Variants in B4GALT5 observed in about 807,000 individuals in gnomAD.
B4GALT5 encodes the protein beta-1,4-galactosyltransferase 5, also known as UDP-Gal:beta-GlcNAc beta-1,4-galactosyltransferase 5.
B4GALT5 carries 11 observed loss-of-function variants against 45.0 expected under a neutral mutation model. The observed-to-expected ratio is 0.24, with a 90% confidence interval of 0.15 to 0.40. B4GALT5 has a LOEUF of 0.40. Ranked by LOEUF, B4GALT5 falls within the 10% of genes least tolerant of loss-of-function variation. The pLI is 1.00. For missense variants in B4GALT5, 337 were observed against 500.2 expected (o/e 0.67, Z 3.11); for synonymous variants, 185 against 182.9 (o/e 1.01, Z -0.09).
chr20:49,657,692 G>A (rs2085648948), intron 1 of B4GALT5, among the ~76,000 whole-genome samples: 2 of 152,160 alleles, frequency 1.3e-5, no homozygotes, highest in African/African-American at 4.8e-5. Context: ...CTAACCTCGG[G>A]ACCAGGCCCC....
chr20:49,700,441 A>T (rs1301315401), intron 1 of B4GALT5, among the ~76,000 whole-genome samples: 1 of 152,172 alleles, frequency 6.6e-6, no homozygotes, highest in African/African-American at 2.4e-5. Context: ...GGCTACAGGC[A>T]TGTGCCACCA....
chr20:49,661,505 G>A (rs2085664744), intron 1 of B4GALT5, among the ~76,000 whole-genome samples: 1 of 152,182 alleles, frequency 6.6e-6, no homozygotes. Flanking sequence ...AAAGTGTTGG[G>A]ATTACAGACG....
chr20:49,650,456 TAAAA>T (rs141588605), intron 2 of B4GALT5, among the ~76,000 whole-genome samples: 14,386 of 128,406 alleles, frequency 0.11, 799 homozygotes, highest in Middle Eastern at 0.18. Flanking sequence ...CCATCTCTGC[TAAAA>T]AAAAAAAAAA....
At chr20:49,683,707 G>C (rs1406038774) in intron 1 of B4GALT5, among the ~76,000 whole-genome samples, 4 of 151,976 alleles carry the variant, frequency 2.6e-5, no homozygotes, top group Non-Finnish European at 5.9e-5. Flanking sequence ...ACTGCGCCCG[G>C]CCTAGACAGG....
rs886731254 is a variant in B4GALT5 at position 49,712,602 on chromosome 20, A to G, written c.115+974T>C. 5.3e-5 allele frequency among the ~76,000 whole-genome samples: 8 copies of G among 152,112 alleles called. 1 individual carries two copies. Among genetic ancestry groups the G allele is most frequent in the East Asian group, 1.9e-4 (1 of 5,196 alleles). On this transcript the variant is annotated intron_variant, in intron 1 of 8. Transcript: ENST00000371711. ...CTGGTACCATTTCCCAAAGGCCCCAATCATATCCCCTTCTCTACGGACAAT... is the reference window on the plus strand; with the variant it reads ...CTGGTACCATTTCCCAAAGGCCCCAGTCATATCCCCTTCTCTACGGACAAT...
chr20:49,643,094 C>T (rs1008846977), intron 4 of B4GALT5, among the ~76,000 whole-genome samples: 4 of 152,158 alleles, frequency 2.6e-5, no homozygotes, highest in South Asian at 2.1e-4. Context: ...CACAGCTTAA[C>T]GAAAACTACT....
rs544457385 is a variant in B4GALT5 at position 49,635,645 on chromosome 20, G to A, written c.*667C>T. Reference sequence around the variant, plus strand: ...ATACATAAATCCTCAATTTGAATTGGAGCCAGCTAGAAAATTAAATTTTAA... The same window carrying A: ...ATACATAAATCCTCAATTTGAATTGAAGCCAGCTAGAAAATTAAATTTTAA... On this transcript the variant is annotated 3_prime_UTR_variant, in exon 9 of 9. Coordinates refer to ENST00000371711, the MANE Select transcript of B4GALT5 (RefSeq NM_004776.4). 5.9e-5 allele frequency: 9 copies of A among 152,600 alleles called. No individual in the cohort carries two copies. The highest frequency in any genetic ancestry group is 1.3e-4 in the Admixed American group (2 of 15,296). 9.5% of individuals were successfully genotyped at this position (152,600 alleles called of 1,614,324 possible). A position where few individuals can be genotyped will look rare whatever the true frequency, so the allele number is the denominator to read the frequency against.
At chr20:49,707,152 T>C (rs941710876) in intron 1 of B4GALT5, among the ~76,000 whole-genome samples, 5 of 152,186 alleles carry the variant, frequency 3.3e-5, no homozygotes, top group Admixed American at 3.3e-4. Flanking sequence ...AACCACTTTC[T>C]TTCTACTAAA....
intron 3 of B4GALT5, among the ~76,000 whole-genome samples, chr20:49,644,568 AC>A (rs1253188708): frequency 6.6e-6 from 1 of 152,252 alleles, no homozygotes; most frequent in Non-Finnish European, 1.5e-5. Context: ...AGGAAGTGGT[AC>A]AGTAACAATC....
chr20:49,643,695 A>C (rs1568715800), intron 3 of B4GALT5, 45 bp from the exon 4 acceptor site: 3 of 1,587,512 alleles, frequency 1.9e-6, no homozygotes, highest in Admixed American at 1.7e-5. Context: ...AGAAAATGAT[A>C]GGTTTCCCTA....
chr20:49,663,690 A>AAATATATATAT, intron 1 of B4GALT5, among the ~76,000 whole-genome samples: 1 of 96,946 alleles, frequency 1.0e-5, no homozygotes, highest in African/African-American at 4.5e-5. Context: ...AAAAAAAAAA[A>AAATATATATAT]ATATATACAT....
chr20:49,640,648 A>G lies in B4GALT5; in HGVS notation c.624T>C (p.Phe208=), dbSNP rs1219815757. Reference sequence around the variant, plus strand: ...CAACGTTGAAAAGCATGGCTCGATTAAAGGGTTGGGTACCAACCTAAAAGA... The same window carrying G: ...CAACGTTGAAAAGCATGGCTCGATTGAAGGGTTGGGTACCAACCTAAAAGA... ...YVVEQVGTQP[F]NRAMLFNVGF... The change falls in exon 6 of 9, where the codon TTT becomes TTC. Residue 208 remains phenylalanine (F), a synonymous_variant. Coordinates refer to ENST00000371711, the MANE Select transcript of B4GALT5 (RefSeq NM_004776.4). 6.2e-7 allele frequency: 1 copy of G among 1,611,706 alleles called. No homozygotes were observed. The highest frequency in any genetic ancestry group is 1.7e-5 in the Admixed American group (1 of 59,490).
intron 1 of B4GALT5, among the ~76,000 whole-genome samples, chr20:49,658,474 C>T (rs950434420): frequency 6.6e-6 from 1 of 152,092 alleles, no homozygotes; most frequent in African/African-American, 2.4e-5. Context: ...ATTACTAAAC[C>T]AGTTGTCTTA....
chr20:49,642,411 C>CA, intron 5 of B4GALT5, 57 bp downstream of exon 5: 1 of 1,308,330 alleles, frequency 7.6e-7, no homozygotes, highest in Non-Finnish European at 1.1e-6. Context: ...TAGCTTGCAG[C>CA]AACCTAAACT....
At position 49,635,408 on chromosome 20, in the gene B4GALT5, G is replaced by C. The variant is rs956214791; in HGVS notation, c.*904C>G. Reference sequence around the variant, plus strand: ...GCACATGCGCGGCCGACAGGGAAGAGTGAATCCAGAGCAGAAGTCAAGGGC... The same window carrying C: ...GCACATGCGCGGCCGACAGGGAAGACTGAATCCAGAGCAGAAGTCAAGGGC... On this transcript the variant is annotated 3_prime_UTR_variant, in exon 9 of 9. Coordinates refer to ENST00000371711, the MANE Select transcript of B4GALT5 (RefSeq NM_004776.4). 2 of 151,672 alleles carry C rather than the reference G, an allele frequency of 1.3e-5. No individual in the cohort carries two copies. The highest frequency in any genetic ancestry group is 2.9e-5 in the Non-Finnish European group (2 of 67,986). 9.4% of individuals were successfully genotyped at this position (151,672 alleles called of 1,614,324 possible).
At chr20:49,655,068 C>T (rs2085636673) in intron 2 of B4GALT5, among the ~76,000 whole-genome samples, 2 of 151,914 alleles carry the variant, frequency 1.3e-5, no homozygotes, top group African/African-American at 2.4e-5. Context: ...GAGGTCAAGG[C>T]TGCAGTGAGC....
At position 49,703,105 on chromosome 20, in the gene B4GALT5, C is replaced by T. The variant is rs1438768501; in HGVS notation, c.115+10471G>A. Among the ~76,000 whole-genome samples, 4 of 135,208 alleles carry T rather than the reference C, an allele frequency of 3.0e-5. No individual in the cohort carries two copies. In the East Asian group the frequency reaches 9.0e-4, roughly 30 times the overall value. The allele number at this position is 135,208 out of a possible 152,430, so 88.7% of individuals were successfully genotyped here. ...AGGAGAATGGCACGAACCCGGGAGG[C>T]GGAGCTTGCAGTGAGACCAGATGGC... On this transcript the variant is annotated intron_variant, in intron 1 of 8. Transcript: ENST00000371711.
At chr20:49,711,349 T>C (rs2085910822) in intron 1 of B4GALT5, among the ~76,000 whole-genome samples, 1 of 152,230 alleles carries the variant, frequency 6.6e-6, no homozygotes, top group East Asian at 1.9e-4. Context: ...TGTTGAGGAA[T>C]CTTAATTAAA....
intron 1 of B4GALT5, among the ~76,000 whole-genome samples, chr20:49,704,020 A>T (rs2085873895): frequency 6.6e-6 from 1 of 152,200 alleles, no homozygotes. Flanking sequence ...ACAGGAATAA[A>T]ACATTTTTTT....
Sources: allele counts gnomAD v4.1 joint callset (sites outside exome capture counted in the v4.1 genomes callset), GRCh38; gene constraint gnomAD v4.1.1; transcripts MANE v1.5; gene names NCBI Gene and HGNC (gene_info 2026-07-23, HGNC 2026-07-21).